Variants in CHM observed in about 807,000 individuals in gnomAD.
CHM encodes the protein rab proteins geranylgeranyltransferase component A 1.
Under a neutral mutation model 49.0 loss-of-function variants are expected in CHM, and 10 were observed. That is an observed-to-expected ratio of 0.20 (90% CI 0.13 to 0.35). CHM has a LOEUF of 0.35. Ranked by LOEUF, CHM falls within the 10% of genes least tolerant of loss-of-function variation. The probability of loss-of-function intolerance (pLI) is 1.00; values close to 1 mark genes in which losing one functional copy is unlikely to be tolerated. For missense variants in CHM, 455 were observed against 478.4 expected (o/e 0.95, Z 0.46); for synonymous variants, 184 against 167.5 (o/e 1.10, Z -0.76).
intron 9 of CHM, among the ~76,000 whole-genome samples, chrX:85,908,725 T>A (rs1243866046): frequency 9.0e-6 from 1 of 111,052 alleles, no homozygotes; most frequent in Non-Finnish European, 1.9e-5. Flanking sequence ...GACAAGAAGA[T>A]GATGTTCACT....
At chrX:85,970,224 A>G (rs1234086443) in intron 4 of CHM, 31 of 703,797 alleles carry the variant, frequency 4.4e-5, no homozygotes, top group Non-Finnish European at 4.9e-5. Flanking sequence ...TTATGTATCA[A>G]TTTAAAAAAT....
rs570160511 is a variant in CHM, at chrX:85,986,284, G to C, written c.117-4475C>G. Among the ~76,000 whole-genome samples, 40 of 110,995 alleles carry C rather than the reference G, an allele frequency of 3.6e-4. No individual in the cohort carries two copies. The South Asian group carries it at 0.015, about 42-fold the overall frequency. On this transcript the variant is annotated intron_variant, in intron 2 of 14. Coordinates refer to ENST00000357749, the MANE Select transcript of CHM (RefSeq NM_000390.4). ...GACCCTTGGCCAAAATCACTACTAA[G>C]GTCCGTTACTCTGCTGCCTCCAAGT...
chrX:85,972,465 G>A (rs1239029930), intron 4 of CHM, among the ~76,000 whole-genome samples: 1 of 113,193 alleles, frequency 8.8e-6, no homozygotes, highest in Non-Finnish European at 1.9e-5. Flanking sequence ...GCGGGGGAAG[G>A]CTCAGGCATG....
At chrX:85,933,992 TTTC>T (rs1928593502) in intron 8 of CHM, among the ~76,000 whole-genome samples, 2 of 110,322 alleles carry the variant, frequency 1.8e-5, no homozygotes, top group African/African-American at 6.6e-5. Context: ...TTTTTTTTTT[TTTC>T]TTTGAGACGG....
chrX:86,035,344 C>G (rs2073878104), intron 1 of CHM, among the ~76,000 whole-genome samples: 2 of 111,607 alleles, frequency 1.8e-5, no homozygotes, highest in African/African-American at 6.5e-5. Context: ...AGATGAAAAA[C>G]GTAGCTAATT....
intron 2 of CHM, among the ~76,000 whole-genome samples, chrX:86,003,710 G>GA: frequency 9.0e-6 from 1 of 111,664 alleles, no homozygotes; most frequent in South Asian, 3.7e-4. Flanking sequence ...CAAGGTTAGA[G>GA]AAAAAAGAGT....
chrX:86,036,193 T>A (rs368079382), intron 1 of CHM, among the ~76,000 whole-genome samples: 1 of 110,237 alleles, frequency 9.1e-6, no homozygotes, highest in East Asian at 2.9e-4. Context: ...GTGCCCAAGG[T>A]GGTTGGGGTA....
intron 4 of CHM, among the ~76,000 whole-genome samples, chrX:85,978,133 T>C (rs62608943): frequency 0.17 from 19,345 of 111,385 alleles, 1,575 homozygotes; most frequent in Non-Finnish European, 0.25. Flanking sequence ...TTTGAAAAAG[T>C]ATACTAATCC....
rs750905293 is a variant in CHM, at chrX:85,961,150, G to A, written c.703-2173C>T. On this transcript the variant is annotated intron_variant, in intron 5 of 14. Transcript: ENST00000357749. The stretch of plus-strand genomic sequence containing the variant: ...AAGAGGTAGGTCTTTGGACGAGCAC[G>A]GTGGCTCACGCCTGTAATCCCAGTA... 5.4e-5 allele frequency among the ~76,000 whole-genome samples: 6 copies of A among 110,931 alleles called. No homozygotes were observed. In the East Asian group the frequency reaches 8.5e-4, roughly 16 times the overall value.
intron 14 of CHM, among the ~76,000 whole-genome samples, chrX:85,870,811 G>A (rs1924002127): frequency 9.0e-6 from 1 of 111,723 alleles, no homozygotes; most frequent in African/African-American, 3.3e-5. Flanking sequence ...AATAGAGAAT[G>A]TCTTGGAGGC....
At chrX:86,021,125 C>CATATAT (rs1569254991) in intron 2 of CHM, among the ~76,000 whole-genome samples, 32 of 19,967 alleles carry the variant, frequency 1.6e-3, no homozygotes, top group East Asian at 6.8e-3. Context: ...TGTGTATATA[C>CATATAT]GTATATATAT....
intron 4 of CHM, among the ~76,000 whole-genome samples, chrX:85,975,848 CAT>C (rs1361783716): frequency 8.9e-6 from 1 of 112,100 alleles, no homozygotes; most frequent in Admixed American, 9.4e-5. Context: ...ATCACTAACA[CAT>C]ATGTTTCAAA....
chrX:85,885,487 C>T (rs965441322), intron 12 of CHM, among the ~76,000 whole-genome samples: 3 of 110,415 alleles, frequency 2.7e-5, no homozygotes, highest in Non-Finnish European at 5.7e-5. Flanking sequence ...AGTTAATTTG[C>T]TCATGAATAA....
chrX:85,960,334 GAACA>G (rs1930229245), intron 5 of CHM, among the ~76,000 whole-genome samples: 1 of 110,776 alleles, frequency 9.0e-6, no homozygotes, highest in African/African-American at 3.3e-5. Flanking sequence ...GATATCACAA[GAACA>G]AAAACAAATT....
chrX:85,944,623 T>G lies in CHM; in HGVS notation c.1166+11530A>C, dbSNP rs5923407. Among the ~76,000 whole-genome samples, 477 of 112,155 alleles carry G rather than the reference T, an allele frequency of 4.3e-3. 1 individual carries two copies. Among genetic ancestry groups the G allele is most frequent in the African/African-American group, 0.014 (427 of 30,894 alleles). On this transcript the variant is annotated intron_variant, in intron 8 of 14. Transcript: ENST00000357749. ...TCTCTAAATCTCTTTTTAAAAGCTGTAAGTTAGACAGCTGCTGGTGAGGCT... is the reference window on the plus strand; with the variant it reads ...TCTCTAAATCTCTTTTTAAAAGCTGGAAGTTAGACAGCTGCTGGTGAGGCT...
intron 13 of CHM, among the ~76,000 whole-genome samples, chrX:85,875,252 G>T (rs1157592807): frequency 9.0e-6 from 1 of 111,505 alleles, no homozygotes; most frequent in East Asian, 2.8e-4. Flanking sequence ...GGAAGGCAAA[G>T]AGATAGCTAG....
intron 14 of CHM, among the ~76,000 whole-genome samples, chrX:85,867,653 T>G (rs1358193581): frequency 3.6e-5 from 4 of 112,242 alleles, no homozygotes; most frequent in Non-Finnish European, 7.5e-5. Flanking sequence ...GTAAAAATAC[T>G]GGCTCTACGA....
chrX:85,870,568 G>T (rs1257500858), intron 14 of CHM, among the ~76,000 whole-genome samples: 1 of 111,695 alleles, frequency 9.0e-6, no homozygotes, highest in African/African-American at 3.3e-5. Flanking sequence ...TATTCCCATG[G>T]TAGTGACATC....
intron 13 of CHM, among the ~76,000 whole-genome samples, chrX:85,875,848 G>A (rs778183520): frequency 1.8e-5 from 2 of 111,299 alleles, no homozygotes; most frequent in Non-Finnish European, 3.8e-5. Context: ...ATTGATAAAC[G>A]ACTTCAGTAA....
Sources: gnomAD v4.1 joint callset for allele counts (sites outside exome capture counted in the v4.1 genomes callset) on GRCh38, gnomAD v4.1.1 for gene constraint, MANE v1.5 for transcripts, NCBI Gene and HGNC (gene_info 2026-07-23, HGNC 2026-07-21) for gene names.